Variants in STARD13 observed in about 807,000 individuals in gnomAD.
STARD13 encodes the protein StAR related lipid transfer domain containing 13.
In STARD13, 62 loss-of-function variants were observed where a neutral mutation model predicts 106.4. That is an observed-to-expected ratio of 0.58 (90% CI 0.48 to 0.72). The LOEUF (loss-of-function observed/expected upper bound fraction) is 0.72. Ranked by LOEUF, STARD13 falls within the 30% of genes least tolerant of loss-of-function variation. The pLI is 0.00. For missense variants in STARD13, 1,387 were observed against 1,424.0 expected (o/e 0.97, Z 0.42); for synonymous variants, 565 against 553.0 (o/e 1.02, Z -0.31).
intron 1 of STARD13, among the ~76,000 whole-genome samples, chr13:33,283,884 A>G (rs1337102104): frequency 3.3e-5 from 5 of 152,202 alleles, no homozygotes; most frequent in African/African-American, 1.2e-4. Context: ...AAATAAAATA[A>G]ATTATTGTAA....
At chr13:33,369,105 T>G in the STARD13 span, among the ~76,000 whole-genome samples, 2 of 152,078 alleles carry the variant, frequency 1.3e-5, no homozygotes, top group Non-Finnish European at 2.9e-5. Flanking sequence ...ATAAAATGCA[T>G]TGGTGTCTGT....
chr13:33,568,952 A>T, the STARD13 span, among the ~76,000 whole-genome samples: 5 of 147,970 alleles, frequency 3.4e-5, 1 homozygote, highest in African/African-American at 1.2e-4. Context: ...TTAAACTACC[A>T]ATAACCATTA....
At chr13:33,150,899 C>T (rs566297529) in intron 3 of STARD13, among the ~76,000 whole-genome samples, 51 of 152,258 alleles carry the variant, frequency 3.3e-4, no homozygotes, top group Non-Finnish European at 7.1e-4. Flanking sequence ...TTCGTTCATC[C>T]GACAGTGCGC....
At chr13:33,407,453 T>G in the STARD13 span, among the ~76,000 whole-genome samples, 1 of 152,326 alleles carries the variant, frequency 6.6e-6, no homozygotes. Flanking sequence ...TGCTCCTGCT[T>G]TTTGCATTTT....
the STARD13 span, among the ~76,000 whole-genome samples, chr13:33,667,592 C>T: frequency 2.0e-5 from 3 of 152,146 alleles, no homozygotes; most frequent in South Asian, 2.1e-4. Context: ...AGACACCATC[C>T]TCTGTGAGAT....
At chr13:33,226,930 A>G (rs1477771965) in intron 1 of STARD13, among the ~76,000 whole-genome samples, 1 of 152,202 alleles carries the variant, frequency 6.6e-6, no homozygotes, top group Non-Finnish European at 1.5e-5. Context: ...AGGGATCTTA[A>G]CACATTTCTC....
chr13:33,234,340 TC>T (rs1889080444), intron 1 of STARD13, among the ~76,000 whole-genome samples: 1 of 152,202 alleles, frequency 6.6e-6, no homozygotes, highest in Admixed American at 6.5e-5. Context: ...AGGAACAGAG[TC>T]CCAGCTATTT....
At chr13:33,338,404 A>G (rs113531940) in intron 1 of STARD13, among the ~76,000 whole-genome samples, 53 of 152,290 alleles carry the variant, frequency 3.5e-4, no homozygotes, top group African/African-American at 1.3e-3. Context: ...AAGCATGCAG[A>G]TGAATTCTCA....
At chr13:33,429,349 C>T in the STARD13 span, among the ~76,000 whole-genome samples, 4 of 152,094 alleles carry the variant, frequency 2.6e-5, no homozygotes, top group Admixed American at 2.6e-4. Flanking sequence ...GTAATCCCAG[C>T]ACTTTGGGAG....
the STARD13 span, among the ~76,000 whole-genome samples, chr13:33,628,471 T>A: frequency 2.6e-5 from 4 of 152,234 alleles, no homozygotes; most frequent in South Asian, 8.3e-4. Flanking sequence ...GTAAGGAACC[T>A]ATTCTAATAG....
the STARD13 span, among the ~76,000 whole-genome samples, chr13:33,417,720 C>T: frequency 6.6e-6 from 1 of 152,218 alleles, no homozygotes; most frequent in East Asian, 1.9e-4. Context: ...ATAGGCAAAT[C>T]CGTAGAGACA....
At chr13:33,578,684 C>T in the STARD13 span, among the ~76,000 whole-genome samples, 1 of 151,970 alleles carries the variant, frequency 6.6e-6, no homozygotes. Context: ...TTCTGCACAG[C>T]AAAAGAAATA....
chr13:33,519,233 T>C, the STARD13 span, among the ~76,000 whole-genome samples: 27 of 149,152 alleles, frequency 1.8e-4, no homozygotes, highest in African/African-American at 6.2e-4. Flanking sequence ...TCTTTCTTTC[T>C]TTCTTTCTTT....
At chr13:33,627,004 A>G in the STARD13 span, among the ~76,000 whole-genome samples, 3 of 152,240 alleles carry the variant, frequency 2.0e-5, no homozygotes, top group African/African-American at 7.2e-5. Context: ...GGTTCTGATA[A>G]AGGGAAATAG....
At chr13:33,387,654 A>T in the STARD13 span, among the ~76,000 whole-genome samples, 2 of 152,332 alleles carry the variant, frequency 1.3e-5, no homozygotes, top group East Asian at 3.9e-4. Flanking sequence ...ACAGACAGGG[A>T]CAGTGCAGTG....
At chr13:33,595,531 G>A in the STARD13 span, among the ~76,000 whole-genome samples, 2 of 152,116 alleles carry the variant, frequency 1.3e-5, no homozygotes, top group African/African-American at 2.4e-5. Context: ...TGTTAATATA[G>A]AGAAAGATAC....
intron 4 of STARD13, among the ~76,000 whole-genome samples, chr13:33,139,481 A>G (rs549872191): frequency 4.6e-5 from 7 of 152,318 alleles, no homozygotes; most frequent in Admixed American, 3.9e-4. Flanking sequence ...CCCAAGGCAC[A>G]ATGATTGTGA....
chr13:33,614,742 T>A, the STARD13 span, among the ~76,000 whole-genome samples: 1 of 152,120 alleles, frequency 6.6e-6, no homozygotes, highest in African/African-American at 2.4e-5. Context: ...CTGGGGGACA[T>A]ACATTTCAAA....
chr13:33,294,626 C>G (rs1472371266), intron 1 of STARD13, among the ~76,000 whole-genome samples: 1 of 152,116 alleles, frequency 6.6e-6, no homozygotes, highest in Non-Finnish European at 1.5e-5. Context: ...TTTCTAGAAC[C>G]TACTTATTTT....
Sources: gnomAD v4.1 joint callset for allele counts (sites outside exome capture counted in the v4.1 genomes callset) on GRCh38, gnomAD v4.1.1 for gene constraint, MANE v1.5 for transcripts, NCBI Gene and HGNC (gene_info 2026-07-23, HGNC 2026-07-21) for gene names.